The following EDRF1 variants were observed in gnomAD, a reference collection of about 807,000 sequenced individuals.
EDRF1 encodes the protein erythroid differentiation-related factor 1.
EDRF1 carries 69 observed loss-of-function variants against 148.7 expected under a neutral mutation model. The observed-to-expected ratio is 0.46, with a 90% CI of 0.38 to 0.57. The LOEUF (loss-of-function observed/expected upper bound fraction) is 0.57. Ranked by LOEUF, EDRF1 falls within the 20% of genes least tolerant of loss-of-function variation. The pLI, the probability that EDRF1 is intolerant of heterozygous loss-of-function variation, is 0.00. For missense variants in EDRF1, 1,118 were observed against 1,478.7 expected (o/e 0.76, Z 4.00); for synonymous variants, 515 against 532.8 (o/e 0.97, Z 0.46).
intron 24 of EDRF1, among the ~76,000 whole-genome samples, chr10:125,758,917 G>C (rs1850055644): frequency 6.6e-6 from 1 of 152,046 alleles, no homozygotes; most frequent in African/African-American, 2.4e-5. Context: ...CCTTCAGAGT[G>C]TTTTTTTCTG....
intron 13 of EDRF1, among the ~76,000 whole-genome samples, chr10:125,737,581 A>G (rs1848803718): frequency 6.6e-6 from 1 of 152,234 alleles, no homozygotes; most frequent in African/African-American, 2.4e-5. Flanking sequence ...TTAAGCAAAT[A>G]AATTAAACAA....
intron 24 of EDRF1, among the ~76,000 whole-genome samples, chr10:125,758,542 G>A (rs1425267460): frequency 6.6e-6 from 1 of 152,100 alleles, no homozygotes; most frequent in Non-Finnish European, 1.5e-5. Context: ...CTGGAGTTGA[G>A]CTGTGGTTGA....
chr10:125,733,395 A>T lies in EDRF1; in HGVS notation c.1129-9A>T, dbSNP rs768270288. On this transcript the variant is annotated splice_polypyrimidine_tract_variant and intron_variant, in intron 9 of 24. Transcript: ENST00000356792. ...CTTAAACTGCTTTCCATCTGTCTGT[A>T]TTTTACAGAAATATGAAATGATAAA... 5.1e-6 allele frequency: 8 copies of T among 1,559,810 alleles called. No individual in the cohort carries two copies. In the East Asian group the frequency reaches 1.4e-4, roughly 27 times the overall value.
In EDRF1 at chr10:125,763,488, T is replaced by A. The variant is rs1273336389; in HGVS notation, c.*16T>A. The A allele has an allele frequency of 6.2e-7, 1 of 1,603,462 alleles. No individual in the cohort carries two copies. The highest frequency in any genetic ancestry group is 8.5e-7 in the Non-Finnish European group (1 of 1,179,502). On this transcript the variant is annotated 3_prime_UTR_variant, in exon 25 of 25. Coordinates refer to ENST00000356792, the MANE Select transcript of EDRF1 (RefSeq NM_001202438.2). This position sits in a 1 kb window ranked among gnomAD's most constrained non-coding sequence, Gnocchi z 4.3. Reference sequence around the variant, plus strand: ...CGTTCAGTGACTGCACAGAGCCGTGTCCCAGACACGCTGTCAGTGCCTTCA... The same window carrying A: ...CGTTCAGTGACTGCACAGAGCCGTGACCCAGACACGCTGTCAGTGCCTTCA...
chr10:125,747,727 C>T, intron 20 of EDRF1, 33 bp downstream of exon 20: 1 of 1,613,168 alleles, frequency 6.2e-7, no homozygotes, highest in South Asian at 1.1e-5. Flanking sequence ...AAAATAAGTT[C>T]TCAATCTAAT....
chr10:125,729,966 T>G (rs1057030634), intron 8 of EDRF1, among the ~76,000 whole-genome samples: 1 of 152,334 alleles, frequency 6.6e-6, no homozygotes, highest in Admixed American at 6.5e-5. Context: ...TTAAGCATGG[T>G]CTTGTATGGT....
At chr10:125,721,507 G>T in intron 2 of EDRF1, 95 bp downstream of exon 2, 1 of 1,147,460 alleles carries the variant, frequency 8.7e-7, no homozygotes, top group Non-Finnish European at 1.3e-6. Flanking sequence ...CTATTAACTT[G>T]TCGAGATTTC....
At chr10:125,755,066 C>T (rs1849835642) in intron 24 of EDRF1, among the ~76,000 whole-genome samples, 1 of 152,166 alleles carries the variant, frequency 6.6e-6, no homozygotes, top group African/African-American at 2.4e-5. Context: ...CCTGCCCCTG[C>T]CCCCAATTCC....
intron 13 of EDRF1, 78 bp from the exon 14 acceptor site, chr10:125,737,840 A>AGC: frequency 7.1e-7 from 1 of 1,406,198 alleles, no homozygotes; most frequent in Non-Finnish European, 1.0e-6. Flanking sequence ...GCTTACAGTA[A>AGC]TTTAATCTTC....
At chr10:125,728,919 A>G in intron 6 of EDRF1, 84 bp from the exon 7 acceptor site, 1 of 1,032,424 alleles carries the variant, frequency 9.7e-7, no homozygotes, top group Non-Finnish European at 1.4e-6. Flanking sequence ...TGTGCTTTGA[A>G]TATTTAGGTG....
rs752205775 is a variant in EDRF1 at position 125,740,671 on chromosome 10, T to C, written c.2170+20T>C. 1 of 1,607,780 alleles carries C rather than the reference T, an allele frequency of 6.2e-7. No individual in the cohort carries two copies. Among genetic ancestry groups the C allele is most frequent in the Admixed American group, 1.7e-5 (1 of 60,014 alleles). On this transcript the variant is annotated intron_variant, in intron 16 of 24. Coordinates refer to ENST00000356792, the MANE Select transcript of EDRF1 (RefSeq NM_001202438.2). ...GCCATGGTAAGCCACTATAAATGAA[T>C]ATGTTTAATAGGCACTGGGAAGAGA...
rs756881353 is a variant in EDRF1, at chr10:125,745,688, T to C, written c.2591-19T>C. 15 of 1,612,626 alleles carry C rather than the reference T, an allele frequency of 9.3e-6. No homozygotes were observed. The highest frequency in any genetic ancestry group is 1.3e-5 in the Non-Finnish European group (15 of 1,178,712). On this transcript the variant is annotated intron_variant, in intron 18 of 24. Transcript: ENST00000356792. ...CTGATGTCTGCTTACACAGTTGTTTTCTTTCTTTCTCTGTAAAGTGAGCAA... is the reference window on the plus strand; with the variant it reads ...CTGATGTCTGCTTACACAGTTGTTTCCTTTCTTTCTCTGTAAAGTGAGCAA...
At chr10:125,753,281 G>A (rs916663820) in intron 23 of EDRF1, among the ~76,000 whole-genome samples, 1 of 152,218 alleles carries the variant, frequency 6.6e-6, no homozygotes, top group Non-Finnish European at 1.5e-5. Context: ...CAGTTGAATG[G>A]TGAATGGGCC....
rs768869590 is a variant in EDRF1 at position 125,734,127 on chromosome 10, A to G, written c.1441A>G (p.Ile481Val). The G allele has an allele frequency of 7.4e-6, 12 of 1,613,228 alleles. No individual in the cohort carries two copies. The highest frequency in any genetic ancestry group is 5.0e-5 in the Admixed American group (3 of 59,986). The change falls in exon 12 of 25, where the codon ATT becomes GTT. Residue 481 changes from isoleucine to valine, a missense_variant. Around this residue, in one of 3 missense-constraint regions of EDRF1, gnomAD observed 954 missense variants for 1,241.4 expected, o/e 0.77. Coordinates refer to ENST00000356792, the MANE Select transcript of EDRF1 (RefSeq NM_001202438.2). ...TCAAAATAAGAAACACTATGGAACT[A>G]TTAGAACATTGCTTCTTAATTGTCT... ...KNQNKKHYGT[I>V]RTLLLNCLKL...
chr10:125,723,184 G>A (rs897034216), intron 3 of EDRF1, 50 bp downstream of exon 3: 86 of 1,466,172 alleles, frequency 5.9e-5, no homozygotes, highest in Non-Finnish European at 8.2e-5. Context: ...TTTGTGATAG[G>A]TGTTTTATAT....
At chr10:125,720,796 G>T (rs1250295944) in intron 1 of EDRF1, among the ~76,000 whole-genome samples, 5 of 127,924 alleles carry the variant, frequency 3.9e-5, no homozygotes, top group African/African-American at 1.5e-4. Context: ...GGGCGACAAA[G>T]CAAGACTGCG....
At chr10:125,762,978 A>T (rs1850256593) in intron 24 of EDRF1, among the ~76,000 whole-genome samples, 1 of 152,050 alleles carries the variant, frequency 6.6e-6, no homozygotes, top group South Asian at 2.1e-4. Context: ...CTCCTACCTC[A>T]ATAGGATGCA....
In EDRF1 at chr10:125,747,991, C is replaced by T. The variant is rs755196255; in HGVS notation, c.3102C>T (p.Tyr1034=). ...TCCATCACAGGCTGGCCTCCATGTA[C>T]CACAGCTGTCTGAGGAATCAGGTAT... ...ATIHHRLASM[Y]HSCLRNQVGD... The change falls in exon 21 of 25, where the codon TAC becomes TAT. Residue 1034 remains tyrosine (Y), a synonymous_variant. Coordinates refer to ENST00000356792, the MANE Select transcript of EDRF1 (RefSeq NM_001202438.2). 1 of 1,614,198 alleles carries T rather than the reference C, an allele frequency of 6.2e-7. No individual in the cohort carries two copies. The highest frequency in any genetic ancestry group is 8.5e-7 in the Non-Finnish European group (1 of 1,180,044).
intron 12 of EDRF1, among the ~76,000 whole-genome samples, 171 bp downstream of exon 12, chr10:125,734,354 A>G (rs1000690102): frequency 6.6e-6 from 1 of 152,152 alleles, no homozygotes; most frequent in Non-Finnish European, 1.5e-5. Context: ...CTGAATTGAC[A>G]TGTGCTGTAA....
Sources: gnomAD v4.1 joint callset for allele counts (sites outside exome capture counted in the v4.1 genomes callset) on GRCh38, gnomAD v4.1.1 for gene constraint, gnomAD v4.1.1 regional missense constraint, Gnocchi (gnomAD v3.1) non-coding constraint, MANE v1.5 for transcripts, NCBI Gene and HGNC (gene_info 2026-07-23, HGNC 2026-07-21) for gene names.